Variants in CDK14 observed in about 807,000 individuals in gnomAD.
CDK14 encodes cyclin-dependent kinase 14.
A neutral mutation model predicts 60.7 loss-of-function variants in CDK14; 34 were observed. The observed-to-expected ratio is 0.56, with a 90% CI of 0.43 to 0.75. The LOEUF (loss-of-function observed/expected upper bound fraction) is 0.75, where lower values mean the gene tolerates loss of function less well. Ranked by LOEUF, CDK14 falls within the 30% of genes least tolerant of loss-of-function variation. The pLI is 0.00. For synonymous variants in CDK14, 197 were observed against 203.7 expected (o/e 0.97, Z 0.28); for missense variants, 482 against 564.1 (o/e 0.85, Z 1.47).
chr7:90,667,164 T>TAGTC (rs1563037293), intron 2 of CDK14, among the ~76,000 whole-genome samples: 1 of 152,236 alleles, frequency 6.6e-6, no homozygotes, highest in East Asian at 1.9e-4. Flanking sequence ...TTCACTCTTA[T>TAGTC]AGTCATCATT....
At chr7:90,677,757 A>G (rs964654499) in intron 2 of CDK14, among the ~76,000 whole-genome samples, 1 of 152,048 alleles carries the variant, frequency 6.6e-6, no homozygotes, top group African/African-American at 2.4e-5. Flanking sequence ...GTCTAAAATG[A>G]CTTGATTTTT....
intron 2 of CDK14, among the ~76,000 whole-genome samples, chr7:90,680,800 C>A (rs963972522): frequency 2.0e-5 from 3 of 152,156 alleles, no homozygotes; most frequent in African/African-American, 7.2e-5. Flanking sequence ...ATTTTATTGA[C>A]CTGTTTCTTC....
chr7:90,988,152 A>G (rs757065599), intron 10 of CDK14, among the ~76,000 whole-genome samples: 2 of 152,060 alleles, frequency 1.3e-5, no homozygotes, highest in East Asian at 1.9e-4. Context: ...TTTTTTCCCT[A>G]TTCTCTTTTT....
chr7:91,099,287 A>G (rs1205072225), intron 12 of CDK14, among the ~76,000 whole-genome samples: 2 of 152,144 alleles, frequency 1.3e-5, no homozygotes, highest in Non-Finnish European at 2.9e-5. Flanking sequence ...CTAAATATTT[A>G]TAACCAATCT....
intron 11 of CDK14, among the ~76,000 whole-genome samples, chr7:91,056,503 A>C (rs934130397): frequency 1.8e-4 from 27 of 152,004 alleles, no homozygotes; most frequent in Non-Finnish European, 3.1e-4. Context: ...GGTGTGCTGC[A>C]CCCATTAACT....
intron 2 of CDK14, among the ~76,000 whole-genome samples, chr7:90,630,000 C>A (rs1163444943): frequency 6.6e-6 from 1 of 152,040 alleles, no homozygotes; most frequent in Non-Finnish European, 1.5e-5. Flanking sequence ...GATAGTGCTA[C>A]TGCACTCCAG....
At chr7:90,638,851 A>C (rs1800235191) in intron 2 of CDK14, among the ~76,000 whole-genome samples, 1 of 150,628 alleles carries the variant, frequency 6.6e-6, no homozygotes. Flanking sequence ...TTTTTCTCTA[A>C]ACTTCCCTTC....
intron 8 of CDK14, among the ~76,000 whole-genome samples, chr7:90,943,272 T>C (rs1439736869): frequency 6.6e-6 from 1 of 151,556 alleles, no homozygotes; most frequent in Non-Finnish European, 1.5e-5. Context: ...AGGTGGGGAG[T>C]GGTGGTAAAA....
At chr7:90,829,348 G>A (rs1789833817) in intron 5 of CDK14, among the ~76,000 whole-genome samples, 3 of 152,182 alleles carry the variant, frequency 2.0e-5, no homozygotes, top group Admixed American at 2.0e-4. Context: ...CAAGTCCAAA[G>A]TCCCATCTGA....
At chr7:91,092,961 T>G (rs574130696) in intron 12 of CDK14, among the ~76,000 whole-genome samples, 1 of 152,362 alleles carries the variant, frequency 6.6e-6, no homozygotes, top group South Asian at 2.1e-4. Context: ...TTTTCATATT[T>G]ATTGCATACA....
intron 14 of CDK14, among the ~76,000 whole-genome samples, chr7:91,180,683 C>G (rs1200259992): frequency 1.3e-5 from 2 of 152,096 alleles, no homozygotes; most frequent in Admixed American, 6.6e-5. Context: ...ATGAGGGTCT[C>G]TCCACGAGGT....
chr7:90,805,446 AC>A (rs1228292181), intron 5 of CDK14, among the ~76,000 whole-genome samples: 9 of 152,052 alleles, frequency 5.9e-5, no homozygotes, highest in African/African-American at 2.2e-4. Flanking sequence ...ACACACACAC[AC>A]ACACACAGCC....
At chr7:91,141,970 C>T (rs573339784) in intron 14 of CDK14, among the ~76,000 whole-genome samples, 22 of 152,134 alleles carry the variant, frequency 1.4e-4, no homozygotes, top group East Asian at 9.7e-4. Flanking sequence ...GGACTACAGG[C>T]GTCCACCGTC....
At chr7:90,966,403 A>C (rs1263577158) in intron 9 of CDK14, among the ~76,000 whole-genome samples, 1 of 152,154 alleles carries the variant, frequency 6.6e-6, no homozygotes, top group Non-Finnish European at 1.5e-5. Context: ...TATATTGTTC[A>C]TGCATAGAGC....
intron 10 of CDK14, among the ~76,000 whole-genome samples, chr7:91,020,740 CACAAACTTAGTGGCTTAAAGCA>C (rs1796411808): frequency 6.6e-6 from 1 of 152,108 alleles, no homozygotes; most frequent in African/African-American, 2.4e-5. Context: ...GACAAATTAC[CACAAACTTAGTGGCTTAAAGCA>C]ACATACCTTT....
chr7:90,973,915 A>C (rs1437802360), intron 9 of CDK14, among the ~76,000 whole-genome samples: 2 of 152,158 alleles, frequency 1.3e-5, no homozygotes, highest in African/African-American at 2.4e-5. Flanking sequence ...GTTCGAGAGC[A>C]GACAACCGGT....
chr7:90,770,554 T>TG (rs1314759819), intron 4 of CDK14, among the ~76,000 whole-genome samples: 1 of 152,232 alleles, frequency 6.6e-6, no homozygotes, highest in Non-Finnish European at 1.5e-5. Flanking sequence ...CGTGGATTGA[T>TG]GTCCAGCAAG....
intron 11 of CDK14, among the ~76,000 whole-genome samples, chr7:91,052,139 G>A (rs1797410931): frequency 6.6e-6 from 1 of 152,162 alleles, no homozygotes; most frequent in Middle Eastern, 3.2e-3. Flanking sequence ...TGCGAGTGGT[G>A]TTTGATTGTG....
intron 11 of CDK14, among the ~76,000 whole-genome samples, chr7:91,065,641 A>G (rs1797952575): frequency 6.6e-6 from 1 of 152,218 alleles, no homozygotes; most frequent in South Asian, 2.1e-4. Flanking sequence ...ATAAGAAAGT[A>G]AAGTGTGCAT....
Sources: gnomAD v4.1 joint callset for allele counts (sites outside exome capture counted in the v4.1 genomes callset) on GRCh38, gnomAD v4.1.1 for gene constraint, MANE v1.5 for transcripts, NCBI Gene and HGNC (gene_info 2026-07-23, HGNC 2026-07-21) for gene names.